ATRNL1: variants seen among roughly 807,000 people sequenced by gnomAD.
ATRNL1 encodes the protein attractin like 1, also known as attractin-like protein 1.
Under a neutral mutation model 182.7 loss-of-function variants are expected in ATRNL1, and 95 were observed. That is an observed-to-expected ratio of 0.52 (90% CI 0.44 to 0.62). The LOEUF is 0.62. Among genes scored for constraint, ATRNL1 ranks in the 20% least tolerant of loss-of-function variants. The probability of loss-of-function intolerance (pLI) is 0.00; values close to 1 mark genes in which losing one functional copy is unlikely to be tolerated. For synonymous variants in ATRNL1, 576 were observed against 568.3 expected, an observed-to-expected ratio of 1.01 and a Z score of -0.19; for missense variants, 1,471 against 1,679.5, an observed-to-expected ratio of 0.88 and a Z score of 2.17.
intron 27 of ATRNL1, chr10:115,820,498 C>G (rs1394864567): frequency 1.3e-5 from 2 of 152,076 alleles, no homozygotes; most frequent in African/African-American, 4.8e-5. Context: ...CAACATATGT[C>G]AAGACTTTGG....
chr10:115,146,579 A>G (rs1845980954), intron 5 of ATRNL1, among the ~76,000 whole-genome samples: 1 of 151,992 alleles, frequency 6.6e-6, no homozygotes, highest in African/African-American at 2.4e-5. Context: ...TCTTCTAACT[A>G]TATGTTTGTA....
At chr10:115,370,691 A>G (rs1369667204) in intron 19 of ATRNL1, among the ~76,000 whole-genome samples, 1 of 152,206 alleles carries the variant, frequency 6.6e-6, no homozygotes, top group Non-Finnish European at 1.5e-5. Context: ...TTAAAAGGGA[A>G]ACAGCATAAA....
intron 10 of ATRNL1, among the ~76,000 whole-genome samples, chr10:115,259,340 C>T (rs943832196): frequency 1.3e-5 from 2 of 152,146 alleles, no homozygotes; most frequent in Non-Finnish European, 1.5e-5. Context: ...ATGCACCCCC[C>T]AGCCAGGCCG....
At chr10:115,928,306 A>G (rs782641877) in intron 28 of ATRNL1, among the ~76,000 whole-genome samples, 2 of 152,046 alleles carry the variant, frequency 1.3e-5, no homozygotes, top group Non-Finnish European at 2.9e-5. Context: ...AAGCTGTGCA[A>G]ACTATTGTGG....
intron 28 of ATRNL1, among the ~76,000 whole-genome samples, chr10:115,870,226 C>T (rs1472634530): frequency 6.6e-6 from 1 of 152,166 alleles, no homozygotes; most frequent in Non-Finnish European, 1.5e-5. Flanking sequence ...GCCATACTCT[C>T]TCCCTAAGGA....
chr10:115,775,488 T>C (rs1468601122), intron 27 of ATRNL1, among the ~76,000 whole-genome samples: 3 of 152,212 alleles, frequency 2.0e-5, no homozygotes, highest in Non-Finnish European at 4.4e-5. Context: ...TTCCAGTTAT[T>C]ACCCAATATA....
chr10:115,568,462 G>T (rs1365151035), intron 26 of ATRNL1, among the ~76,000 whole-genome samples: 1 of 151,914 alleles, frequency 6.6e-6, no homozygotes, highest in African/African-American at 2.4e-5. Context: ...CACTTTGGTA[G>T]TGATATTTTC....
chr10:115,093,458 C>T lies in ATRNL1; in HGVS notation c.-293C>T. 1 of 554,762 alleles carries T rather than the reference C, an allele frequency of 1.8e-6. No homozygotes were observed. Among genetic ancestry groups the T allele is most frequent in the Non-Finnish European group, 3.3e-6 (1 of 305,170 alleles). 34.4% of individuals were successfully genotyped at this position (554,762 alleles called of 1,614,324 possible). On this transcript the variant is annotated 5_prime_UTR_variant, in exon 1 of 29. Coordinates refer to ENST00000355044, the MANE Select transcript of ATRNL1 (RefSeq NM_207303.4). The surrounding 1 kb of genome is among the most constrained non-coding windows in gnomAD (Gnocchi z 6.1). ...TCAGGAGCGCCGGGCGCAGTCTGCGCCTCCCGCTCCCCGCCTCCGGCCGGG... is the reference window on the plus strand; with the variant it reads ...TCAGGAGCGCCGGGCGCAGTCTGCGTCTCCCGCTCCCCGCCTCCGGCCGGG...
chr10:115,735,747 G>T (rs541838714), intron 27 of ATRNL1, among the ~76,000 whole-genome samples: 1 of 152,212 alleles, frequency 6.6e-6, no homozygotes, highest in African/African-American at 2.4e-5. Flanking sequence ...GGCTGAATAT[G>T]CTAGACAGAG....
At chr10:115,468,042 A>G (rs1364109269) in intron 23 of ATRNL1, among the ~76,000 whole-genome samples, 2 of 150,766 alleles carry the variant, frequency 1.3e-5, no homozygotes, top group African/African-American at 4.8e-5. Flanking sequence ...TTATGGATAC[A>G]TAGAATTCAA....
intron 26 of ATRNL1, among the ~76,000 whole-genome samples, chr10:115,704,906 C>T (rs74158257): frequency 0.012 from 1,817 of 151,830 alleles, 35 homozygotes; most frequent in African/African-American, 0.041. Context: ...TAACCCTCTT[C>T]TCTTTCTCTT....
At chr10:115,679,438 G>GT (rs1945976836) in intron 26 of ATRNL1, among the ~76,000 whole-genome samples, 1 of 151,554 alleles carries the variant, frequency 6.6e-6, no homozygotes, top group Non-Finnish European at 1.5e-5. Context: ...CTGCCTGCAG[G>GT]TTTTTTTTAG....
intron 19 of ATRNL1, among the ~76,000 whole-genome samples, chr10:115,377,019 A>T (rs1857712132): frequency 6.6e-6 from 1 of 151,166 alleles, no homozygotes; most frequent in African/African-American, 2.4e-5. Flanking sequence ...TGTGATTTTC[A>T]TTTCTGTCAT....
At chr10:115,223,882 A>T (rs1849570916) in intron 9 of ATRNL1, among the ~76,000 whole-genome samples, 1 of 121,360 alleles carries the variant, frequency 8.2e-6, no homozygotes. Context: ...ATGTGTATTT[A>T]ATATATGTGT....
At chr10:115,420,704 G>A (rs1845613248) in intron 20 of ATRNL1, among the ~76,000 whole-genome samples, 1 of 151,882 alleles carries the variant, frequency 6.6e-6, no homozygotes, top group East Asian at 1.9e-4. Context: ...AAATAATAAA[G>A]AACAGAGAAG....
intron 1 of ATRNL1, 99 bp from the exon 2 acceptor site, chr10:115,120,086 C>T (rs1181920055): frequency 1.7e-5 from 12 of 697,040 alleles, no homozygotes; most frequent in East Asian, 3.1e-5. Flanking sequence ...TGTTATGTCC[C>T]GTTCCTTTGG....
rs934572753 is a variant in ATRNL1, at chr10:115,674,460, C to T, written c.3796-52788C>T. On this transcript the variant is annotated intron_variant, in intron 26 of 28. Coordinates refer to ENST00000355044, the MANE Select transcript of ATRNL1 (RefSeq NM_207303.4). ...ACCTGGCCTATTCTTGAATAATATA[C>T]TTTCTTCATTTTTAAAAAATTCCAT... Among the ~76,000 whole-genome samples the T allele has an allele frequency of 3.3e-5, 5 of 151,990 alleles. No individual in the cohort carries two copies. In the South Asian group the frequency reaches 8.3e-4, roughly 25 times the overall value.
intron 10 of ATRNL1, among the ~76,000 whole-genome samples, chr10:115,260,241 C>T (rs920651893): frequency 1.3e-5 from 2 of 152,160 alleles, no homozygotes; most frequent in Non-Finnish European, 2.9e-5. Flanking sequence ...AGCATAAGCA[C>T]TATTTTGTAA....
intron 27 of ATRNL1, among the ~76,000 whole-genome samples, chr10:115,826,192 A>G (rs150717424): frequency 0.023 from 2,475 of 106,608 alleles, 82 homozygotes; most frequent in African/African-American, 0.078. Context: ...ATCAAACAAT[A>G]TACTATCCCA....
Sources: gnomAD v4.1 joint callset for allele counts (sites outside exome capture counted in the v4.1 genomes callset) on GRCh38, gnomAD v4.1.1 for gene constraint, Gnocchi (gnomAD v3.1) non-coding constraint, MANE v1.5 for transcripts, NCBI Gene and HGNC (gene_info 2026-07-23, HGNC 2026-07-21) for gene names.